The following DYNC1I1 variants were observed in gnomAD, a reference collection of about 807,000 sequenced individuals.
The protein encoded by DYNC1I1 is dynein cytoplasmic 1 intermediate chain 1.
DYNC1I1 carries 43 observed loss-of-function variants against 86.6 expected under a neutral mutation model. The ratio of observed to expected loss-of-function variants is 0.50; its 90% CI spans 0.39 to 0.64. DYNC1I1 has a LOEUF of 0.64. DYNC1I1 is among the 30% of genes least tolerant of loss of function. The probability of loss-of-function intolerance (pLI) is 0.00; values close to 1 mark genes in which losing one functional copy is unlikely to be tolerated. For missense variants in DYNC1I1, 604 were observed against 788.8 expected, an observed-to-expected ratio of 0.77 and a Z score of 2.81; for synonymous variants, 262 against 283.7, an observed-to-expected ratio of 0.92 and a Z score of 0.77.
At chr7:95,823,918 T>C (rs1488541622) in intron 4 of DYNC1I1, among the ~76,000 whole-genome samples, 1 of 143,848 alleles carries the variant, frequency 7.0e-6, no homozygotes, top group Non-Finnish European at 1.5e-5. Flanking sequence ...AAATGGAATA[T>C]GGCAAGTTTT....
intron 1 of DYNC1I1, among the ~76,000 whole-genome samples, chr7:95,779,922 G>C (rs1793943099): frequency 6.6e-6 from 1 of 152,152 alleles, no homozygotes; most frequent in Non-Finnish European, 1.5e-5. Flanking sequence ...ATCATGCAGA[G>C]CATTTCTGCT....
intron 14 of DYNC1I1, among the ~76,000 whole-genome samples, chr7:96,069,873 A>G (rs1331994882): frequency 6.6e-6 from 1 of 152,232 alleles, no homozygotes; most frequent in Non-Finnish European, 1.5e-5. Flanking sequence ...CTACATTTAT[A>G]GAGAAGCAAA....
chr7:96,082,520 T>C (rs893073204), intron 16 of DYNC1I1, among the ~76,000 whole-genome samples: 14 of 152,186 alleles, frequency 9.2e-5, no homozygotes, highest in Admixed American at 2.0e-4. Flanking sequence ...TATCCCTCTT[T>C]GTTGTATTCT....
intron 9 of DYNC1I1, 80 bp downstream of exon 9, chr7:95,987,235 C>T (rs1462816044): frequency 4.7e-6 from 6 of 1,281,110 alleles, no homozygotes; most frequent in African/African-American, 1.5e-5. Flanking sequence ...GATTTGTTTA[C>T]TTGCCTACGA....
intron 10 of DYNC1I1, among the ~76,000 whole-genome samples, chr7:95,997,239 G>A (rs1793888750): frequency 6.6e-6 from 1 of 151,768 alleles, no homozygotes; most frequent in Non-Finnish European, 1.5e-5. Flanking sequence ...AGATTTTCAA[G>A]TCAGCTTGAT....
In DYNC1I1 at chr7:95,777,377, T is replaced by C. The variant is rs146206559; in HGVS notation, c.-10+4604T>C. ...AACTGTAAATCAAAACTTTATTCAC[T>C]GCAAAGATGAATTTACTTTAAGGCT... On this transcript the variant is annotated intron_variant, in intron 1 of 16. Transcript: ENST00000447467. 5.5e-3 allele frequency among the ~76,000 whole-genome samples: 839 copies of C among 152,258 alleles called. 15 individuals carry two copies. Among genetic ancestry groups the C allele is most frequent in the Non-Finnish European group, 1.9e-3 (129 of 68,018 alleles).
chr7:96,101,214 C>T (rs1431391178), downstream of DYNC1I1, among the ~76,000 whole-genome samples: 1 of 152,192 alleles, frequency 6.6e-6, no homozygotes, highest in South Asian at 2.1e-4. Flanking sequence ...AAGAACGTGG[C>T]ATTCCTAGTG....
At chr7:96,098,516 T>A (rs546908964), downstream of DYNC1I1, 2 of 758,144 alleles carry the variant, frequency 2.6e-6, no homozygotes, top group South Asian at 1.2e-4. Context: ...ATTAGAGCCA[T>A]GTTAAAGACT....
chr7:95,977,978 T>A (rs1793351194), intron 7 of DYNC1I1, among the ~76,000 whole-genome samples: 1 of 152,206 alleles, frequency 6.6e-6, no homozygotes, highest in South Asian at 2.1e-4. Context: ...AGTGTTTTCA[T>A]GTGATCTACA....
At chr7:96,003,905 G>C (rs1023200003) in intron 10 of DYNC1I1, among the ~76,000 whole-genome samples, 8 of 152,108 alleles carry the variant, frequency 5.3e-5, no homozygotes, top group Non-Finnish European at 1.0e-4. Flanking sequence ...TTTCTGATTT[G>C]TGTGTGTCTT....
intron 6 of DYNC1I1, among the ~76,000 whole-genome samples, chr7:95,895,189 G>A (rs931700425): frequency 1.3e-5 from 2 of 152,110 alleles, no homozygotes; most frequent in African/African-American, 2.4e-5. Flanking sequence ...GCTGGTCATC[G>A]CTGGTTGTTG....
At chr7:95,832,881 A>C (rs1788952898) in intron 5 of DYNC1I1, among the ~76,000 whole-genome samples, 1 of 152,064 alleles carries the variant, frequency 6.6e-6, no homozygotes, top group Non-Finnish European at 1.5e-5. Context: ...CCTTTGTCAG[A>C]TGAGTGGGTC....
chr7:95,780,747 A>G (rs906256840), intron 1 of DYNC1I1, among the ~76,000 whole-genome samples: 2 of 152,136 alleles, frequency 1.3e-5, no homozygotes, highest in African/African-American at 4.8e-5. Context: ...AATGTTTATC[A>G]AGTTGTTGAA....
At chr7:96,066,425 T>C (rs559535662) in intron 14 of DYNC1I1, among the ~76,000 whole-genome samples, 303 of 152,328 alleles carry the variant, frequency 2.0e-3, no homozygotes, top group African/African-American at 6.9e-3. Context: ...ACTTGTTCTC[T>C]TTCTTTGGTA....
chr7:95,945,668 T>C (rs1056770705), intron 6 of DYNC1I1, among the ~76,000 whole-genome samples: 3 of 150,360 alleles, frequency 2.0e-5, no homozygotes, highest in African/African-American at 7.3e-5. Flanking sequence ...AGGTATTTTA[T>C]GACCCAACTG....
intron 5 of DYNC1I1, among the ~76,000 whole-genome samples, chr7:95,857,240 G>T (rs1289849105): frequency 2.6e-5 from 4 of 152,094 alleles, no homozygotes; most frequent in African/African-American, 9.7e-5. Context: ...CAATAGCTTG[G>T]ATAAAGGTCT....
rs934163361 is a variant in DYNC1I1 at position 95,772,688 on chromosome 7, G to C, written c.-95G>C. On this transcript the variant is annotated 5_prime_UTR_variant, in exon 1 of 17. Coordinates refer to ENST00000447467, the MANE Select transcript of DYNC1I1 (RefSeq NM_001135556.2). ...TGCCCGCGCCGGCCCCGCCACCTTCGGGAGCCGCCTGCACCAACGCTGCCG... is the reference window on the plus strand; with the variant it reads ...TGCCCGCGCCGGCCCCGCCACCTTCCGGAGCCGCCTGCACCAACGCTGCCG... The C allele has an allele frequency of 1.2e-4, 18 of 152,672 alleles. No homozygotes were observed. Among genetic ancestry groups the C allele is most frequent in the African/African-American group, 4.3e-4 (18 of 41,554 alleles). The allele number at this position is 152,672 out of a possible 1,614,324, so 9.5% of individuals were successfully genotyped here. A position where few individuals can be genotyped will look rare whatever the true frequency, so the allele number is the denominator to read the frequency against.
At chr7:95,929,228 C>G (rs745535743) in intron 6 of DYNC1I1, among the ~76,000 whole-genome samples, 10 of 152,110 alleles carry the variant, frequency 6.6e-5, no homozygotes, top group Non-Finnish European at 1.5e-4. Flanking sequence ...TTTCCTTCAC[C>G]CTGTATTTAT....
chr7:95,954,130 G>T (rs569632433), intron 6 of DYNC1I1, among the ~76,000 whole-genome samples: 1 of 152,138 alleles, frequency 6.6e-6, no homozygotes, highest in African/African-American at 2.4e-5. Flanking sequence ...GGAAAAGGGA[G>T]TATAGGCCTT....
Sources: allele counts gnomAD v4.1 joint callset (sites outside exome capture counted in the v4.1 genomes callset), GRCh38; gene constraint gnomAD v4.1.1; transcripts MANE v1.5; gene names NCBI Gene and HGNC (gene_info 2026-07-23, HGNC 2026-07-21).